The following CNTN3 variants were observed in gnomAD, a reference collection of about 807,000 sequenced individuals.
CNTN3 encodes the protein contactin 3, also known as contactin-3.
CNTN3 carries 60 observed loss-of-function variants against 119.1 expected under a neutral mutation model. The ratio of observed to expected loss-of-function variants is 0.50; its 90% confidence interval spans 0.41 to 0.62. The LOEUF (loss-of-function observed/expected upper bound fraction) is 0.62. Ranked by LOEUF, CNTN3 falls within the 20% of genes least tolerant of loss-of-function variation. The pLI, the probability that CNTN3 is intolerant of heterozygous loss-of-function variation, is 0.00. For synonymous variants in CNTN3, 450 were observed against 438.7 expected, an observed-to-expected ratio of 1.03 and a Z score of -0.32; for missense variants, 1,101 against 1,242.4, an observed-to-expected ratio of 0.89 and a Z score of 1.71.
At chr3:74,437,201 G>A (rs1171563934) in intron 4 of CNTN3, among the ~76,000 whole-genome samples, 1 of 152,158 alleles carries the variant, frequency 6.6e-6, no homozygotes, top group African/African-American at 2.4e-5. Context: ...GCTCACGCCT[G>A]TAATCCCAGC....
intron 13 of CNTN3, among the ~76,000 whole-genome samples, chr3:74,315,267 T>G (rs1316572264): frequency 2.6e-5 from 4 of 152,182 alleles, no homozygotes; most frequent in Non-Finnish European, 5.9e-5. Flanking sequence ...CATCCCTTGT[T>G]TAGCATATAA....
In CNTN3 at chr3:74,369,900, A is replaced by G. The variant is rs200661406; in HGVS notation, c.750T>C (p.Phe250=). The G allele has an allele frequency of 8.1e-6, 13 of 1,596,714 alleles. No individual in the cohort carries two copies. In the East Asian group the frequency reaches 2.7e-4, roughly 33 times the overall value. The change falls in exon 7 of 23, where the codon TTT becomes TTC. Residue 250 remains phenylalanine (F), a synonymous_variant. Coordinates refer to ENST00000263665, the MANE Select transcript of CNTN3 (RefSeq NM_020872.3). The part of the protein sequence containing the change: ...AKGSTVKLEC[F]ALGNPIPQIN... ...GTTATAAAACTTACTTTCCAAGGGC[A>G]AAACATTCCAATTTCACAGTCGAAC...
chr3:74,584,970 G>A (rs142259855), intron 1 of CNTN3, among the ~76,000 whole-genome samples: 2 of 152,166 alleles, frequency 1.3e-5, no homozygotes, highest in African/African-American at 4.8e-5. Context: ...TATAGATCAG[G>A]CATCACATAT....
chr3:74,449,510 C>G lies in CNTN3; in HGVS notation c.359-24570G>C, dbSNP rs1227473151. Among the ~76,000 whole-genome samples, 4 of 152,090 alleles carry G rather than the reference C, an allele frequency of 2.6e-5. No individual in the cohort carries two copies. The South Asian group carries it at 8.3e-4, about 32-fold the overall frequency. ...CAAGTGCAAATTTCCAGGCCCCAGT[C>G]CTAAAAATTCTGATTCTGTAGTTAG... On this transcript the variant is annotated intron_variant, in intron 4 of 22. Transcript: ENST00000263665.
intron 19 of CNTN3, among the ~76,000 whole-genome samples, chr3:74,285,790 GATATATATATATATATAT>G (rs71129738): frequency 0.026 from 1,480 of 56,526 alleles, 51 homozygotes; most frequent in Admixed American, 0.041. Context: ...ATGAAGGGGA[GATATATATATATATATAT>G]ATATATATAT....
intron 1 of CNTN3, among the ~76,000 whole-genome samples, chr3:74,549,280 T>C (rs1321716805): frequency 1.3e-5 from 2 of 152,178 alleles, no homozygotes; most frequent in African/African-American, 4.8e-5. Context: ...ATGTGCCAGC[T>C]TCCCCTTCGC....
At chr3:74,506,963 AGG>A (rs1703272574) in intron 2 of CNTN3, among the ~76,000 whole-genome samples, 1 of 152,156 alleles carries the variant, frequency 6.6e-6, no homozygotes, top group African/African-American at 2.4e-5. Context: ...TCTTTAACAA[AGG>A]GTTCAGGTCA....
At chr3:74,386,704 T>A (rs998696628) in intron 5 of CNTN3, among the ~76,000 whole-genome samples, 21 of 152,214 alleles carry the variant, frequency 1.4e-4, no homozygotes, top group Non-Finnish European at 1.0e-4. Flanking sequence ...TTTCCTTGTT[T>A]GTAAAATTAA....
intron 11 of CNTN3, among the ~76,000 whole-genome samples, chr3:74,344,031 A>G (rs1703613657): frequency 6.6e-6 from 1 of 152,254 alleles, no homozygotes; most frequent in African/African-American, 2.4e-5. Flanking sequence ...TTCTGGAGCC[A>G]GTTTCCTATA....
chr3:74,361,796 C>A, intron 11 of CNTN3, 94 bp downstream of exon 11: 2 of 1,270,528 alleles, frequency 1.6e-6, no homozygotes, highest in Non-Finnish European at 1.1e-6. Flanking sequence ...TACTGAAATG[C>A]TATTTTGTTT....
chr3:74,264,489 C>T lies in CNTN3; in HGVS notation c.2999G>A (p.Arg1000Lys), dbSNP rs1041987320. 1 of 1,609,458 alleles carries T rather than the reference C, an allele frequency of 6.2e-7. No individual in the cohort carries two copies. The highest frequency in any genetic ancestry group is 8.5e-7 in the Non-Finnish European group (1 of 1,176,358). Residue 1000 changes from arginine to lysine, a missense_variant, in exon 23 of 23, where the codon AGA becomes AAA. Coordinates refer to ENST00000263665, the MANE Select transcript of CNTN3 (RefSeq NM_020872.3). ...RIPRITSMDARGSTSAISNVH... is the reference protein window; with the variant it reads ...RIPRITSMDAKGSTSAISNVH... ...ATTCGAGATGGCTGAAGTGGATCCTCTTGCATCCATACCTGTCAAAGTTGA... is the reference window on the plus strand; with the variant it reads ...ATTCGAGATGGCTGAAGTGGATCCTTTTGCATCCATACCTGTCAAAGTTGA...
intron 13 of CNTN3, among the ~76,000 whole-genome samples, chr3:74,313,193 G>A (rs914776284): frequency 4.6e-5 from 7 of 151,218 alleles, no homozygotes; most frequent in African/African-American, 1.7e-4. Context: ...AACTACCAAG[G>A]GTATAACATA....
At position 74,448,309 on chromosome 3, in the gene CNTN3, G is replaced by A. The variant is rs1322650113; in HGVS notation, c.359-23369C>T. Among the ~76,000 whole-genome samples the A allele has an allele frequency of 5.9e-5, 9 of 152,172 alleles. No individual in the cohort carries two copies. In the South Asian group the frequency reaches 1.9e-3, roughly 32 times the overall value. ...AACATAGAGTAAAAGCAGAACTACT[G>A]GACACTAGGGGCTTTATCTCATGAC... On this transcript the variant is annotated intron_variant, in intron 4 of 22. Transcript: ENST00000263665.
chr3:74,406,146 T>C (rs1191375084), intron 5 of CNTN3, among the ~76,000 whole-genome samples: 2 of 152,082 alleles, frequency 1.3e-5, no homozygotes, highest in Non-Finnish European at 2.9e-5. Flanking sequence ...CAAAATATAA[T>C]GTTGAAAGGT....
intron 11 of CNTN3, among the ~76,000 whole-genome samples, chr3:74,359,747 A>G (rs1704038609): frequency 6.6e-6 from 1 of 152,222 alleles, no homozygotes; most frequent in Admixed American, 6.5e-5. Context: ...TATATTTGCT[A>G]CTATGAGGAC....
At chr3:74,450,425 G>A (rs935122363) in intron 4 of CNTN3, among the ~76,000 whole-genome samples, 5 of 151,130 alleles carry the variant, frequency 3.3e-5, no homozygotes, top group African/African-American at 1.2e-4. Flanking sequence ...GATCTTCTCT[G>A]CAGTGCTATT....
intron 5 of CNTN3, among the ~76,000 whole-genome samples, chr3:74,381,936 T>C (rs920220007): frequency 1.3e-5 from 2 of 152,052 alleles, no homozygotes; most frequent in African/African-American, 4.8e-5. Flanking sequence ...TGGCTGGGAG[T>C]GGTGGCTCAC....
intron 3 of CNTN3, among the ~76,000 whole-genome samples, chr3:74,498,322 C>T (rs1703101317): frequency 6.6e-6 from 1 of 151,738 alleles, no homozygotes; most frequent in African/African-American, 2.4e-5. Flanking sequence ...AAAATATTTC[C>T]AGATGTTGCA....
At chr3:74,523,189 T>C (rs971949846) in intron 1 of CNTN3, among the ~76,000 whole-genome samples, 2 of 151,860 alleles carry the variant, frequency 1.3e-5, no homozygotes, top group African/African-American at 2.4e-5. Flanking sequence ...CTAGATTAGA[T>C]TTAATTTATA....
Sources: gnomAD v4.1 joint callset for allele counts (sites outside exome capture counted in the v4.1 genomes callset) on GRCh38, gnomAD v4.1.1 for gene constraint, MANE v1.5 for transcripts, NCBI Gene and HGNC (gene_info 2026-07-23, HGNC 2026-07-21) for gene names.